Variants in CTNNA2 observed in about 807,000 individuals in gnomAD.
CTNNA2 encodes the protein catenin alpha-2.
In CTNNA2, 42 loss-of-function variants were observed where a neutral mutation model predicts 101.0. That is an observed-to-expected ratio of 0.42 (90% CI 0.32 to 0.54). The LOEUF is 0.54. Among genes scored for constraint, CTNNA2 ranks in the 20% least tolerant of loss-of-function variants. The probability of loss-of-function intolerance (pLI) is 0.14; values close to 1 mark genes in which losing one functional copy is unlikely to be tolerated. For missense variants in CTNNA2, 871 were observed against 1,223.1 expected (o/e 0.71, Z 4.29); for synonymous variants, 450 against 456.4 (o/e 0.99, Z 0.18).
intron 4 of CTNNA2, among the ~76,000 whole-genome samples, chr2:79,374,717 A>C (rs987019130): frequency 3.3e-5 from 5 of 152,130 alleles, no homozygotes; most frequent in Non-Finnish European, 5.9e-5. Context: ...TTAAACTAAA[A>C]TCCGATGGAA....
At chr2:80,578,913 G>A (rs1055001473) in intron 13 of CTNNA2, 1 of 152,006 alleles carries the variant, frequency 6.6e-6, no homozygotes, top group Non-Finnish European at 1.5e-5. Flanking sequence ...GTTATTAGGT[G>A]TTATATTTTA....
intron 1 of CTNNA2, among the ~76,000 whole-genome samples, chr2:79,606,607 T>C (rs955811145): frequency 6.6e-6 from 1 of 152,160 alleles, no homozygotes; most frequent in Non-Finnish European, 1.5e-5. Context: ...CATCATGGTA[T>C]AGAGTTTATT....
At chr2:79,312,061 C>T (rs191572163) in intron 2 of CTNNA2, among the ~76,000 whole-genome samples, 39 of 150,898 alleles carry the variant, frequency 2.6e-4, no homozygotes, top group African/African-American at 9.3e-4. Flanking sequence ...TGCTACCATG[C>T]ATGGCTGTTT....
chr2:80,441,546 A>G (rs1279556952), intron 9 of CTNNA2, among the ~76,000 whole-genome samples: 1 of 152,222 alleles, frequency 6.6e-6, no homozygotes, highest in African/African-American at 2.4e-5. Context: ...TATCTTCCAC[A>G]GAGGAAATTT....
chr2:80,547,278 C>A (rs1319770413), intron 11 of CTNNA2, among the ~76,000 whole-genome samples: 2 of 152,106 alleles, frequency 1.3e-5, no homozygotes, highest in African/African-American at 4.8e-5. Context: ...AACATGCGGC[C>A]TGTGACTAGA....
intron 3 of CTNNA2, among the ~76,000 whole-genome samples, chr2:79,779,416 G>A (rs6761480): frequency 0.081 from 12,362 of 152,158 alleles, 809 homozygotes; most frequent in East Asian, 0.39. Flanking sequence ...GGGAGGGTGC[G>A]GATGGCCTGA....
rs1332722832 is a variant in CTNNA2 at position 80,412,604 on chromosome 2, C to A, written c.1138-6845C>A. 4.6e-5 allele frequency among the ~76,000 whole-genome samples: 7 copies of A among 152,264 alleles called. No homozygotes were observed. The East Asian group carries it at 1.4e-3, about 29-fold the overall frequency. On this transcript the variant is annotated intron_variant, in intron 8 of 18. Transcript: ENST00000402739. ...CCATGAAAACTTATTCTATGTATGT[C>A]ATCTTATCAGTTATCTATTGTCACA...
At chr2:79,594,604 A>G (rs1410191750) in intron 1 of CTNNA2, among the ~76,000 whole-genome samples, 2 of 152,076 alleles carry the variant, frequency 1.3e-5, no homozygotes, top group Non-Finnish European at 2.9e-5. Context: ...CTCCGTTTTG[A>G]TCCTTCATAT....
At chr2:80,634,678 A>G (rs948975356) in intron 18 of CTNNA2, among the ~76,000 whole-genome samples, 1 of 152,122 alleles carries the variant, frequency 6.6e-6, no homozygotes. Flanking sequence ...GAAACTAGTT[A>G]GGGGAAGCTT....
chr2:79,476,403 A>G (rs1671050186), intron 4 of CTNNA2, among the ~76,000 whole-genome samples: 1 of 152,196 alleles, frequency 6.6e-6, no homozygotes, highest in Non-Finnish European at 1.5e-5. Flanking sequence ...CAGCCTGGCT[A>G]TTTCATCGGG....
At chr2:79,632,042 T>G (rs1263771083) in intron 1 of CTNNA2, among the ~76,000 whole-genome samples, 2 of 152,232 alleles carry the variant, frequency 1.3e-5, no homozygotes, top group Admixed American at 1.3e-4. Flanking sequence ...GGTATATATT[T>G]CTTGATTGTG....
intron 6 of CTNNA2, among the ~76,000 whole-genome samples, chr2:79,899,664 C>T (rs376699651): frequency 1.3e-5 from 2 of 152,172 alleles, no homozygotes; most frequent in Admixed American, 1.3e-4. Flanking sequence ...TTAAACTGAA[C>T]TGTTTAATTA....
chr2:80,390,014 A>G (rs1677358896), intron 7 of CTNNA2, among the ~76,000 whole-genome samples: 1 of 152,360 alleles, frequency 6.6e-6, no homozygotes, highest in East Asian at 1.9e-4. Context: ...AGAAGCTCTT[A>G]TAGAAATAAT....
chr2:79,426,238 T>C (rs1397332928), intron 4 of CTNNA2, among the ~76,000 whole-genome samples: 1 of 152,102 alleles, frequency 6.6e-6, no homozygotes, highest in African/African-American at 2.4e-5. Context: ...TGAGTAAATA[T>C]GATGGATTAT....
chr2:79,809,207 G>A (rs1197521425), intron 3 of CTNNA2, among the ~76,000 whole-genome samples: 1 of 152,096 alleles, frequency 6.6e-6, no homozygotes, highest in African/African-American at 2.4e-5. Context: ...CGTTTGGGTT[G>A]GTTCCAAGTC....
At chr2:79,329,300 T>A (rs12373626) in intron 3 of CTNNA2, among the ~76,000 whole-genome samples, 7,076 of 152,264 alleles carry the variant, frequency 0.046, 243 homozygotes, top group Middle Eastern at 0.13. Flanking sequence ...ATGGGCATCA[T>A]GCTTACTATC....
intron 1 of CTNNA2, among the ~76,000 whole-genome samples, chr2:79,576,665 G>A (rs1459638559): frequency 6.6e-6 from 1 of 152,090 alleles, no homozygotes. Context: ...CTCATTTTTA[G>A]TGTTTGCTTT....
intron 7 of CTNNA2, among the ~76,000 whole-genome samples, chr2:80,037,582 T>G (rs935142352): frequency 2.0e-5 from 3 of 152,154 alleles, no homozygotes; most frequent in Non-Finnish European, 4.4e-5. Context: ...TCTGGAGAAT[T>G]GAGTAAGAAT....
At chr2:80,381,368 T>C (rs1676499479) in intron 7 of CTNNA2, among the ~76,000 whole-genome samples, 1 of 152,076 alleles carries the variant, frequency 6.6e-6, no homozygotes, top group Admixed American at 6.6e-5. Context: ...GTTTTAACTG[T>C]TCATATAATT....
Sources: allele counts gnomAD v4.1 joint callset (sites outside exome capture counted in the v4.1 genomes callset), GRCh38; gene constraint gnomAD v4.1.1; transcripts MANE v1.5; gene names NCBI Gene and HGNC (gene_info 2026-07-23, HGNC 2026-07-21).